MBIP: variants seen among roughly 807,000 people sequenced by gnomAD.
MBIP encodes MAP3K12-binding inhibitory protein 1.
Under a neutral mutation model 45.7 loss-of-function variants are expected in MBIP, and 32 were observed. That is an observed-to-expected ratio of 0.70 (90% confidence interval 0.53 to 0.94). The LOEUF is 0.94. Ranked by LOEUF, MBIP falls within the 40% of genes least tolerant of loss-of-function variation. The pLI is 0.00. For missense variants in MBIP, 381 were observed against 405.5 expected, an observed-to-expected ratio of 0.94 and a Z score of 0.52; for synonymous variants, 145 against 141.0, an observed-to-expected ratio of 1.03 and a Z score of -0.20.
In MBIP at chr14:36,320,625, A is replaced by G. The variant is rs753600575; in HGVS notation, c.-37T>C. The G allele has an allele frequency of 6.4e-7, 1 of 1,569,890 alleles. No homozygotes were observed. The highest frequency in any genetic ancestry group is 8.6e-7 in the Non-Finnish European group (1 of 1,158,364). On this transcript the variant is annotated 5_prime_UTR_variant, in exon 1 of 9. Transcript: ENST00000416007. ...AGGCCGCCCCACCACCACCACCACC[A>G]AGATTTGCTCACAACCCCGCCCCCT...
intron 6 of MBIP, among the ~76,000 whole-genome samples, chr14:36,310,423 C>A (rs1274468383): frequency 6.6e-6 from 1 of 152,208 alleles, no homozygotes. Context: ...TCAAATGTCA[C>A]TTCATTAGGA....
intron 8 of MBIP, among the ~76,000 whole-genome samples, chr14:36,300,577 T>G (rs993718080): frequency 1.3e-5 from 2 of 152,178 alleles, no homozygotes; most frequent in Non-Finnish European, 2.9e-5. Context: ...AGGACAAAGG[T>G]TTTATTTATT....
intron 7 of MBIP, chr14:36,305,251 G>A (rs1879798768): frequency 1.3e-5 from 2 of 152,088 alleles, no homozygotes; most frequent in Admixed American, 1.3e-4. Flanking sequence ...ATAGAAGGGT[G>A]ATGAGTATGA....
chr14:36,312,603 C>A (rs1471443643), intron 4 of MBIP, among the ~76,000 whole-genome samples: 7 of 152,038 alleles, frequency 4.6e-5, no homozygotes, highest in Admixed American at 1.3e-4. Context: ...CTTATCCCAC[C>A]ACTTTTCAAA....
intron 7 of MBIP, among the ~76,000 whole-genome samples, chr14:36,307,247 G>A (rs77916248): frequency 0.05 from 7,560 of 152,056 alleles, 575 homozygotes; most frequent in African/African-American, 0.17. Flanking sequence ...CTATAACTTT[G>A]GAAGATTGCT....
Position 36,308,197 on chromosome 14 carries a change from C to T in MBIP, c.791-8G>A, listed in dbSNP as rs1394627926. ...CTCTTGGCACTGGACCACCTAAATA[C>T]ATTAAAAAAAAATCTGAGATACTAT... On this transcript the variant is annotated splice_polypyrimidine_tract_variant and splice_region_variant and intron_variant, in intron 6 of 8. Coordinates refer to ENST00000416007, the MANE Select transcript of MBIP (RefSeq NM_016586.3). The T allele has an allele frequency of 2.8e-6, 4 of 1,411,896 alleles. No individual in the cohort carries two copies. Among genetic ancestry groups the T allele is most frequent in the Non-Finnish European group, 2.0e-6 (2 of 1,022,422 alleles). 87.5% of individuals were successfully genotyped at this position (1,411,896 alleles called of 1,614,324 possible).
At chr14:36,301,985 T>C (rs959654467) in intron 7 of MBIP, among the ~76,000 whole-genome samples, 1 of 152,254 alleles carries the variant, frequency 6.6e-6, no homozygotes, top group African/African-American at 2.4e-5. Flanking sequence ...CATCTAGGTA[T>C]GCTTATCAAG....
intron 6 of MBIP, 47 bp downstream of exon 6, chr14:36,311,526 C>T (rs747893477): frequency 1.3e-6 from 2 of 1,528,472 alleles, no homozygotes; most frequent in African/African-American, 2.8e-5. Context: ...AATTTTTTAA[C>T]CATTTGCAAA....
intron 2 of MBIP, 141 bp from the exon 3 acceptor site, chr14:36,315,056 C>A: frequency 1.6e-6 from 1 of 608,874 alleles, no homozygotes; most frequent in South Asian, 2.1e-5. Context: ...TATACCAGGA[C>A]ACATAGATCT....
At chr14:36,310,561 G>A (rs1310505047) in intron 6 of MBIP, among the ~76,000 whole-genome samples, 1 of 152,168 alleles carries the variant, frequency 6.6e-6, no homozygotes, top group South Asian at 2.1e-4. Flanking sequence ...CTTTGTGCCA[G>A]GCACTGTAAT....
At chr14:36,306,852 G>A (rs868321476) in intron 7 of MBIP, among the ~76,000 whole-genome samples, 1 of 152,130 alleles carries the variant, frequency 6.6e-6, no homozygotes, top group African/African-American at 2.4e-5. Context: ...GACATTCAAA[G>A]AATAATCCTA....
chr14:36,313,105 G>C (rs779604313), intron 4 of MBIP, among the ~76,000 whole-genome samples: 3 of 148,796 alleles, frequency 2.0e-5, no homozygotes, highest in Non-Finnish European at 4.4e-5. Flanking sequence ...AATCCACTTA[G>C]CTTTTATATC....
intron 2 of MBIP, 166 bp from the exon 3 acceptor site, chr14:36,315,081 A>G (rs546560749): frequency 1.8e-6 from 1 of 550,436 alleles, no homozygotes; most frequent in Admixed American, 3.4e-5. Flanking sequence ...ACATATAAGT[A>G]CTCACTATTC....
rs1397116312 is a variant in MBIP, at chr14:36,311,742, T to C, written c.638-17A>G. The C allele has an allele frequency of 1.5e-5, 24 of 1,580,270 alleles. No individual in the cohort carries two copies. The highest frequency in any genetic ancestry group is 2.0e-5 in the Non-Finnish European group (23 of 1,164,526). On this transcript the variant is annotated splice_polypyrimidine_tract_variant and intron_variant, in intron 5 of 8. Transcript: ENST00000416007. ...CTCTAGAAACTAAATTAAGAAACTT[T>C]TGAGCCTATATACATTTGTATTTCA... is the stretch of plus-strand genomic sequence containing the variant.
At chr14:36,317,541 C>G in intron 1 of MBIP, among the ~76,000 whole-genome samples, 1 of 152,034 alleles carries the variant, frequency 6.6e-6, no homozygotes. Context: ...GATGTGACAG[C>G]TCATTATATG....
intron 7 of MBIP, among the ~76,000 whole-genome samples, chr14:36,304,783 T>C (rs930356084): frequency 3.3e-5 from 5 of 152,218 alleles, no homozygotes; most frequent in Admixed American, 3.3e-4. Flanking sequence ...CAAATACAAA[T>C]GACATCTTTT....
chr14:36,302,334 C>A (rs1017160808), intron 7 of MBIP, among the ~76,000 whole-genome samples: 2 of 151,690 alleles, frequency 1.3e-5, no homozygotes, highest in Non-Finnish European at 2.9e-5. Flanking sequence ...CTACTAAAAA[C>A]ACAAACAACT....
intron 1 of MBIP, 124 bp downstream of exon 1, chr14:36,320,336 C>T (rs1485300338): frequency 5.0e-6 from 7 of 1,396,246 alleles, no homozygotes; most frequent in East Asian, 2.3e-5. Context: ...TTCCACACCT[C>T]GGCTTCGGGA....
At chr14:36,318,310 G>A (rs3805352) in intron 1 of MBIP, among the ~76,000 whole-genome samples, 5,530 of 152,018 alleles carry the variant, frequency 0.036, 142 homozygotes, top group South Asian at 0.054. Flanking sequence ...TTAATGTTTG[G>A]TTCATATTCT....
Sources: allele counts gnomAD v4.1 joint callset (sites outside exome capture counted in the v4.1 genomes callset), GRCh38; gene constraint gnomAD v4.1.1; transcripts MANE v1.5; gene names NCBI Gene and HGNC (gene_info 2026-07-23, HGNC 2026-07-21).